Variants in ACYP2 observed in about 807,000 individuals in gnomAD.
ACYP2 encodes the protein acylphosphatase-2.
Under a neutral mutation model 11.2 loss-of-function variants are expected in ACYP2, and 12 were observed. The ratio of observed to expected loss-of-function variants is 1.08; its 90% CI spans 0.69 to 1.74. ACYP2 has a LOEUF of 1.74. ACYP2 is among the 40% of genes most tolerant of loss of function. The pLI is 0.00. For synonymous variants in ACYP2, 43 were observed against 32.2 expected (o/e 1.33, Z -1.13); for missense variants, 134 against 101.9 (o/e 1.31, Z -1.35).
intron 6 of ACYP2, among the ~76,000 whole-genome samples, chr2:54,202,268 C>G (rs1684869910): frequency 6.7e-6 from 1 of 150,110 alleles, no homozygotes; most frequent in South Asian, 2.2e-4. Context: ...GTCACCATGA[C>G]CGGCTAATTT....
At position 54,165,838 on chromosome 2, in the gene ACYP2, T is replaced by C. The variant is rs75187791; in HGVS notation, c.404+27090T>C. Among the ~76,000 whole-genome samples, 411 of 152,246 alleles carry C rather than the reference T, an allele frequency of 2.7e-3. 9 individuals carry two copies. The East Asian group carries it at 0.049, about 18-fold the overall frequency. On this transcript the variant is annotated intron_variant, in intron 6 of 6. Transcript: ENST00000607452. ...TTCTGGCGGAAATCTAAGGAGTTTA[T>C]ATATATCTATTTTAAATCAATGATT...
chr2:54,075,522 A>AG (rs1558511031), intron 4 of ACYP2, among the ~76,000 whole-genome samples: 13 of 138,300 alleles, frequency 9.4e-5, no homozygotes, highest in South Asian at 2.5e-4. Flanking sequence ...AAAGAAAGAA[A>AG]AAAAAAAAGG....
At chr2:54,208,505 C>A (rs35126790) in intron 6 of ACYP2, among the ~76,000 whole-genome samples, 34,355 of 151,888 alleles carry the variant, frequency 0.23, 4,232 homozygotes, top group East Asian at 0.39. Flanking sequence ...TTTCCATTAG[C>A]TTGGAATCAT....
intron 4 of ACYP2, among the ~76,000 whole-genome samples, chr2:54,112,767 A>G (rs1429301118): frequency 6.6e-6 from 1 of 152,238 alleles, no homozygotes; most frequent in Non-Finnish European, 1.5e-5. Context: ...AGAATCACAT[A>G]TTATTGGCAA....
chr2:54,088,828 A>C (rs1201902146), intron 4 of ACYP2, among the ~76,000 whole-genome samples: 1 of 152,200 alleles, frequency 6.6e-6, no homozygotes, highest in Non-Finnish European at 1.5e-5. Flanking sequence ...GTATATCAGA[A>C]AGAGTACAGT....
At chr2:54,269,476 G>T (rs1688183833) in intron 6 of ACYP2, among the ~76,000 whole-genome samples, 1 of 152,204 alleles carries the variant, frequency 6.6e-6, no homozygotes, top group Admixed American at 6.5e-5. Flanking sequence ...TGATGACACT[G>T]ATATCCCAGA....
intron 4 of ACYP2, among the ~76,000 whole-genome samples, chr2:54,078,935 T>C (rs979879104): frequency 2.0e-5 from 3 of 152,196 alleles, no homozygotes; most frequent in African/African-American, 7.2e-5. Context: ...AAAAATTTCA[T>C]TTTGCATCCC....
intron 4 of ACYP2, among the ~76,000 whole-genome samples, chr2:54,118,676 C>A (rs1290780909): frequency 6.6e-6 from 1 of 152,120 alleles, no homozygotes; most frequent in Non-Finnish European, 1.5e-5. Flanking sequence ...CAATTTGGAC[C>A]AGCAGTAAAA....
intron 6 of ACYP2, among the ~76,000 whole-genome samples, chr2:54,261,254 T>C (rs843693): frequency 0.26 from 38,989 of 152,064 alleles, 5,201 homozygotes; most frequent in South Asian, 0.43. Context: ...AAGAATAATA[T>C]ACAATTTCAA....
In ACYP2 at chr2:54,093,095, G is replaced by T. The variant is rs146141436; in HGVS notation, c.277+35735G>T. Among the ~76,000 whole-genome samples the T allele has an allele frequency of 2.0e-5, 3 of 152,248 alleles. No homozygotes were observed. In the East Asian group the frequency reaches 5.8e-4, roughly 29 times the overall value. ...GCAGCTCAATTCTGCTGCCTTCACTGCTCCAGAGTTGTGTGCCTCCTACAT... is the reference window on the plus strand; with the variant it reads ...GCAGCTCAATTCTGCTGCCTTCACTTCTCCAGAGTTGTGTGCCTCCTACAT... On this transcript the variant is annotated intron_variant, in intron 4 of 6. Coordinates refer to ENST00000607452, the MANE Select transcript of ACYP2 (RefSeq NM_001320586.2).
chr2:54,125,852 T>A (rs1283331922), intron 4 of ACYP2, among the ~76,000 whole-genome samples: 5 of 151,772 alleles, frequency 3.3e-5, no homozygotes, highest in Non-Finnish European at 5.9e-5. Context: ...GGGGCCGAGG[T>A]GGGCAATCAC....
At chr2:54,110,537 T>G (rs762287477) in intron 4 of ACYP2, among the ~76,000 whole-genome samples, 1 of 152,230 alleles carries the variant, frequency 6.6e-6, no homozygotes, top group Non-Finnish European at 1.5e-5. Flanking sequence ...CTTTTATCTC[T>G]GCTTTAGCTG....
intron 2 of ACYP2, among the ~76,000 whole-genome samples, chr2:54,019,154 C>T (rs554260870): frequency 5.3e-5 from 8 of 151,756 alleles, no homozygotes; most frequent in African/African-American, 1.9e-4. Flanking sequence ...GCAGCTTCAA[C>T]CTCCTGGGCT....
chr2:54,233,449 A>T (rs1160209956), intron 6 of ACYP2, among the ~76,000 whole-genome samples: 1 of 151,872 alleles, frequency 6.6e-6, no homozygotes, highest in Admixed American at 6.6e-5. Flanking sequence ...GGCATGAGCC[A>T]CCACACCTGG....
chr2:54,093,463 A>G (rs1678341420), intron 4 of ACYP2, among the ~76,000 whole-genome samples: 2 of 152,232 alleles, frequency 1.3e-5, no homozygotes. Flanking sequence ...TAACATTAAA[A>G]CAAGACTTTT....
rs1425743914 is a variant in ACYP2, at chr2:54,050,548, A to G, written c.63-410A>G. Among the ~76,000 whole-genome samples the G allele has an allele frequency of 3.2e-4, 36 of 113,134 alleles. 1 individual carries two copies. Among genetic ancestry groups the G allele is most frequent in the Admixed American group, 7.0e-4 (8 of 11,358 alleles). The allele number at this position is 113,134 out of a possible 152,430, so 74.2% of individuals were successfully genotyped here. On this transcript the variant is annotated intron_variant, in intron 2 of 6. Transcript: ENST00000607452. ...GTGATAGAGTGAAACCCCATCCCTGAAAAAAAAAAAAAAAAAAGAAAATAA... is the reference window on the plus strand; with the variant it reads ...GTGATAGAGTGAAACCCCATCCCTGGAAAAAAAAAAAAAAAAAGAAAATAA...
chr2:54,182,461 C>T (rs1365350725), intron 6 of ACYP2, among the ~76,000 whole-genome samples: 3 of 152,148 alleles, frequency 2.0e-5, no homozygotes, highest in Non-Finnish European at 4.4e-5. Flanking sequence ...CTCACCTTAG[C>T]CTTCTGGCTA....
At chr2:54,263,948 T>TGACC (rs1486673952) in intron 6 of ACYP2, among the ~76,000 whole-genome samples, 2 of 152,212 alleles carry the variant, frequency 1.3e-5, no homozygotes, top group Non-Finnish European at 2.9e-5. Flanking sequence ...GCCTATTTAT[T>TGACC]GACCACCTTT....
At chr2:54,029,388 C>T (rs1271160253) in intron 2 of ACYP2, among the ~76,000 whole-genome samples, 2 of 105,666 alleles carry the variant, frequency 1.9e-5, no homozygotes, top group African/African-American at 3.6e-5. Context: ...CATTTTATTA[C>T]TTTTTTTTTC....
Sources: gnomAD v4.1 joint callset for allele counts (sites outside exome capture counted in the v4.1 genomes callset) on GRCh38, gnomAD v4.1.1 for gene constraint, MANE v1.5 for transcripts, NCBI Gene and HGNC (gene_info 2026-07-23, HGNC 2026-07-21) for gene names.